TMEM132C: variants seen among roughly 807,000 people sequenced by gnomAD.
TMEM132C encodes protein phosphatase 1, regulatory subunit 152.
Under a neutral mutation model 61.4 loss-of-function variants are expected in TMEM132C, and 29 were observed. The ratio of observed to expected loss-of-function variants is 0.47; its 90% CI spans 0.35 to 0.64. The LOEUF is 0.64. Among genes scored for constraint, TMEM132C ranks in the 30% least tolerant of loss-of-function variants. The pLI, the probability that TMEM132C is intolerant of heterozygous loss-of-function variation, is 0.00. For synonymous variants in TMEM132C, 656 were observed against 633.1 expected (o/e 1.04, Z -0.54); for missense variants, 1,408 against 1,476.9 (o/e 0.95, Z 0.76).
chr12:128,294,540 T>C (rs1343757098), intron 1 of TMEM132C, among the ~76,000 whole-genome samples: 1 of 152,226 alleles, frequency 6.6e-6, no homozygotes, highest in Non-Finnish European at 1.5e-5. Context: ...TAGTCTGTTC[T>C]AGTTGCTCTA....
chr12:128,376,586 CAT>C (rs965031618), intron 1 of TMEM132C, among the ~76,000 whole-genome samples: 8 of 152,178 alleles, frequency 5.3e-5, no homozygotes, highest in Non-Finnish European at 5.9e-5. Flanking sequence ...TGGATGCCAA[CAT>C]GTGATGACAT....
At chr12:128,684,910 G>C (rs903547257) in intron 5 of TMEM132C, among the ~76,000 whole-genome samples, 1 of 152,216 alleles carries the variant, frequency 6.6e-6, no homozygotes, top group Non-Finnish European at 1.5e-5. Flanking sequence ...GCCACTGCAA[G>C]GGAAGGGCAC....
At chr12:128,554,025 A>G (rs1874256272) in intron 3 of TMEM132C, among the ~76,000 whole-genome samples, 2 of 152,228 alleles carry the variant, frequency 1.3e-5, no homozygotes. Flanking sequence ...TTCTAAAAGA[A>G]TCTAAAAAGG....
chr12:128,558,815 T>G (rs1874413917), intron 3 of TMEM132C, among the ~76,000 whole-genome samples: 1 of 152,256 alleles, frequency 6.6e-6, no homozygotes, highest in African/African-American at 2.4e-5. Context: ...GACTATTCTT[T>G]GCTTTGACTA....
chr12:128,632,239 A>G (rs1954070418), intron 4 of TMEM132C, among the ~76,000 whole-genome samples: 1 of 150,576 alleles, frequency 6.6e-6, no homozygotes, highest in Admixed American at 6.6e-5. Flanking sequence ...TCAGAGGCTA[A>G]CAGCCCTCAC....
At chr12:128,530,622 T>C in intron 2 of TMEM132C, among the ~76,000 whole-genome samples, 1 of 152,156 alleles carries the variant, frequency 6.6e-6, no homozygotes, top group East Asian at 1.9e-4. Flanking sequence ...TTTTGTATTT[T>C]TTTGAAGAGA....
At chr12:128,446,032 A>G (rs11831079) in intron 2 of TMEM132C, among the ~76,000 whole-genome samples, 6,134 of 152,268 alleles carry the variant, frequency 0.04, 408 homozygotes, top group African/African-American at 0.14. Flanking sequence ...CACTCATGCT[A>G]TGAAAAAAGA....
rs1163701006 is a variant in TMEM132C at position 128,339,208 on chromosome 12, C to T, written c.85+71721C>T. 3.9e-5 allele frequency among the ~76,000 whole-genome samples: 6 copies of T among 152,014 alleles called. No individual in the cohort carries two copies. The South Asian group carries it at 6.3e-4, about 16-fold the overall frequency. ...AGCATGTGGTCTGTGTTCAGGGAGA[C>T]GTGCCAGGGACCTCCAAGGGCTTCC... On this transcript the variant is annotated intron_variant, in intron 1 of 8. Transcript: ENST00000435159.
intron 4 of TMEM132C, among the ~76,000 whole-genome samples, chr12:128,662,234 T>C (rs1593139114): frequency 1.3e-5 from 2 of 152,300 alleles, no homozygotes; most frequent in Non-Finnish European, 1.5e-5. Context: ...GAAAGAGAGA[T>C]TGAAGTGGGT....
At chr12:128,318,411 A>G (rs1371893791) in intron 1 of TMEM132C, among the ~76,000 whole-genome samples, 2 of 152,208 alleles carry the variant, frequency 1.3e-5, no homozygotes, top group East Asian at 3.9e-4. Flanking sequence ...CATTTTGTGT[A>G]CTTAAATGAT....
rs563438823 is a variant in TMEM132C, at chr12:128,517,992, A to G, written c.975-25965A>G. Among the ~76,000 whole-genome samples the G allele has an allele frequency of 5.4e-4, 82 of 152,256 alleles. 2 individuals carry two copies. The highest frequency in any genetic ancestry group is 1.2e-3 in the African/African-American group (48 of 41,480). On this transcript the variant is annotated intron_variant, in intron 2 of 8. Transcript: ENST00000435159. ...GCCAGGAACCTCAGGATTATGTTGC[A>G]TTGAAAGTTTCAGCAAAGAGCATTG...
At chr12:128,505,552 A>G (rs1872327162) in intron 2 of TMEM132C, among the ~76,000 whole-genome samples, 1 of 152,212 alleles carries the variant, frequency 6.6e-6, no homozygotes, top group African/African-American at 2.4e-5. Context: ...CAAAAAATTG[A>G]CAAGTGTTCC....
At chr12:128,490,994 A>C (rs1457728550) in intron 2 of TMEM132C, among the ~76,000 whole-genome samples, 1 of 152,204 alleles carries the variant, frequency 6.6e-6, no homozygotes. Context: ...TGAGGGAACC[A>C]AGGCTTACTT....
chr12:128,669,698 A>G (rs746331999), intron 5 of TMEM132C, 138 bp downstream of exon 5: 1 of 1,100,956 alleles, frequency 9.1e-7, no homozygotes, highest in African/African-American at 1.6e-5. Context: ...CAGCTGATCC[A>G]CTCAACGTGT....
chr12:128,642,957 C>G (rs920687186), intron 4 of TMEM132C, among the ~76,000 whole-genome samples: 19 of 152,134 alleles, frequency 1.2e-4, no homozygotes, highest in Middle Eastern at 3.2e-3. Flanking sequence ...CGCAAGTGTC[C>G]TAAAGCAGGG....
At chr12:128,280,688 G>A (rs940377070) in intron 1 of TMEM132C, among the ~76,000 whole-genome samples, 1 of 152,022 alleles carries the variant, frequency 6.6e-6, no homozygotes, top group Non-Finnish European at 1.5e-5. Context: ...TGATTTACTC[G>A]GCCTGTTATA....
chr12:128,539,041 G>A (rs1386650465), intron 2 of TMEM132C, among the ~76,000 whole-genome samples: 2 of 151,998 alleles, frequency 1.3e-5, no homozygotes, highest in Non-Finnish European at 2.9e-5. Context: ...CTCTCCTCTA[G>A]TTGTTTAAAT....
chr12:128,297,145 CTGG>C (rs1871439038), intron 1 of TMEM132C, among the ~76,000 whole-genome samples: 1 of 152,100 alleles, frequency 6.6e-6, no homozygotes, highest in Admixed American at 6.5e-5. Flanking sequence ...TTTTTAGGGG[CTGG>C]ACTGGCCATC....
chr12:128,327,001 G>T (rs1872542495), intron 1 of TMEM132C, among the ~76,000 whole-genome samples: 1 of 149,650 alleles, frequency 6.7e-6, no homozygotes, highest in Non-Finnish European at 1.5e-5. Flanking sequence ...TTCCTTTTAG[G>T]TTTTCTTTTA....
Sources: allele counts gnomAD v4.1 joint callset (sites outside exome capture counted in the v4.1 genomes callset), GRCh38; gene constraint gnomAD v4.1.1; transcripts MANE v1.5; gene names NCBI Gene and HGNC (gene_info 2026-07-23, HGNC 2026-07-21).